The following RAB22A variants were observed in gnomAD, a reference collection of about 807,000 sequenced individuals.
RAB22A encodes RAB22A, member RAS oncogene family.
In RAB22A, 13 loss-of-function variants were observed where a neutral mutation model predicts 30.2. That is an observed-to-expected ratio of 0.43 (90% confidence interval 0.28 to 0.68). RAB22A has a LOEUF of 0.68. RAB22A is among the 30% of genes least tolerant of loss of function. The pLI is 0.18. For synonymous variants in RAB22A, 89 were observed against 87.2 expected (o/e 1.02, Z -0.11); for missense variants, 177 against 246.8 (o/e 0.72, Z 1.89).
At chr20:58,323,476 G>A (rs1406328582) in intron 2 of RAB22A, among the ~76,000 whole-genome samples, 2 of 151,722 alleles carry the variant, frequency 1.3e-5, no homozygotes, top group Non-Finnish European at 2.9e-5. Context: ...ATGAGATCAG[G>A]TAGGATCTCT....
In RAB22A at chr20:58,335,857, C is replaced by T. The variant is rs142824023; in HGVS notation, c.117-7861C>T. Among the ~76,000 whole-genome samples the T allele has an allele frequency of 2.4e-3, 371 of 152,334 alleles. 2 individuals are homozygous for T. Among genetic ancestry groups the T allele is most frequent in the Non-Finnish European group, 4.3e-3 (295 of 68,028 alleles). On this transcript the variant is annotated intron_variant, in intron 2 of 6. Coordinates refer to ENST00000244040, the MANE Select transcript of RAB22A (RefSeq NM_020673.3). ...CTACATAGACTTGCTGAGAACTCTC[C>T]CTTTCCCTCACCGCAGTTGATACCT...
rs141588532 is a variant in RAB22A at position 58,361,870 on chromosome 20, A to G, written c.*2167A>G. ...GTGTCTCGGTGCATGGGGAAAGGCAAGGTCTTCTGAGCTCATCTTAACTGG... is the reference window on the plus strand; with the variant it reads ...GTGTCTCGGTGCATGGGGAAAGGCAGGGTCTTCTGAGCTCATCTTAACTGG... On this transcript the variant is annotated 3_prime_UTR_variant, in exon 7 of 7. Transcript: ENST00000244040. 2 of 152,176 alleles carry G rather than the reference A, an allele frequency of 1.3e-5. No homozygotes were observed. Among genetic ancestry groups the G allele is most frequent in the East Asian group, 1.9e-4 (1 of 5,180 alleles). The allele number at this position is 152,176 out of a possible 1,614,324, so 9.4% of individuals were successfully genotyped here.
intron 2 of RAB22A, among the ~76,000 whole-genome samples, chr20:58,337,714 A>G (rs1170785945): frequency 1.3e-5 from 2 of 152,214 alleles, no homozygotes; most frequent in East Asian, 1.9e-4. Context: ...TACAAATAGC[A>G]CTGTAGTTCA....
intron 2 of RAB22A, among the ~76,000 whole-genome samples, chr20:58,322,904 A>G (rs2122932959): frequency 6.6e-6 from 1 of 151,952 alleles, no homozygotes; most frequent in East Asian, 1.9e-4. Context: ...CAGTGGTGTG[A>G]ATTTTCTGTG....
intron 6 of RAB22A, 141 bp downstream of exon 6, chr20:58,354,406 G>A (rs1987101380): frequency 1.7e-6 from 1 of 585,962 alleles, no homozygotes; most frequent in Non-Finnish European, 2.9e-6. Context: ...GAGAAGGTAA[G>A]AGTAATGTCC....
chr20:58,362,007 A>G lies in RAB22A; in HGVS notation c.*2304A>G, dbSNP rs1345758738. ...TTCATGATTTCTCACCCTCCCTCCC[A>G]TATGTAGGGTGTGATTCTGTTTTAT... On this transcript the variant is annotated 3_prime_UTR_variant, in exon 7 of 7. Coordinates refer to ENST00000244040, the MANE Select transcript of RAB22A (RefSeq NM_020673.3). The G allele has an allele frequency of 6.6e-6, 1 of 151,796 alleles. No homozygotes were observed. The highest frequency in any genetic ancestry group is 1.5e-5 in the Non-Finnish European group (1 of 67,954). 9.4% of individuals were successfully genotyped at this position (151,796 alleles called of 1,614,324 possible). A position where few individuals can be genotyped will look rare whatever the true frequency, so the allele number is the denominator to read the frequency against.
At chr20:58,333,127 A>G (rs1172181642) in intron 2 of RAB22A, among the ~76,000 whole-genome samples, 1 of 151,946 alleles carries the variant, frequency 6.6e-6, no homozygotes, top group East Asian at 1.9e-4. Context: ...TAAAAATACA[A>G]AAATTAGCAG....
chr20:58,338,236 A>C (rs1419831423), intron 2 of RAB22A, among the ~76,000 whole-genome samples: 3 of 152,140 alleles, frequency 2.0e-5, no homozygotes, highest in Non-Finnish European at 2.9e-5. Flanking sequence ...CATGTTGGTC[A>C]AACTGGTCTT....
chr20:58,314,016 A>G (rs1371080686), intron 2 of RAB22A, among the ~76,000 whole-genome samples: 1 of 151,650 alleles, frequency 6.6e-6, no homozygotes, highest in African/African-American at 2.4e-5. Context: ...AAGAAGCTAC[A>G]TTATGACTAG....
intron 2 of RAB22A, among the ~76,000 whole-genome samples, chr20:58,333,101 A>G: frequency 6.6e-6 from 1 of 151,868 alleles, no homozygotes; most frequent in East Asian, 1.9e-4. Flanking sequence ...CCAATATGGT[A>G]AAACCCTGTC....
intron 2 of RAB22A, among the ~76,000 whole-genome samples, chr20:58,321,271 G>A (rs1225789107): frequency 6.6e-6 from 1 of 152,038 alleles, no homozygotes; most frequent in African/African-American, 2.4e-5. Context: ...GGCTGAGGCA[G>A]GAGAATTGCT....
chr20:58,311,158 C>A, intron 2 of RAB22A, 36 bp downstream of exon 2: 1 of 1,511,620 alleles, frequency 6.6e-7, no homozygotes, highest in Non-Finnish European at 9.2e-7. Flanking sequence ...TCTAAAGGTG[C>A]ATTGAAAATC....
intron 6 of RAB22A, among the ~76,000 whole-genome samples, chr20:58,357,658 T>G (rs1196610531): frequency 6.6e-6 from 1 of 152,248 alleles, no homozygotes; most frequent in Non-Finnish European, 1.5e-5. Context: ...TCAATATCCA[T>G]TTATTGAGAA....
At chr20:58,341,349 T>C (rs1248110437) in intron 2 of RAB22A, among the ~76,000 whole-genome samples, 1 of 151,954 alleles carries the variant, frequency 6.6e-6, no homozygotes, top group Non-Finnish European at 1.5e-5. Context: ...TCCACATAGT[T>C]TTGTAATTTT....
intron 2 of RAB22A, among the ~76,000 whole-genome samples, chr20:58,339,730 G>A (rs535797812): frequency 1.3e-5 from 2 of 152,178 alleles, no homozygotes; most frequent in African/African-American, 2.4e-5. Context: ...TGATTTGTGG[G>A]GGTAGAGTGG....
intron 6 of RAB22A, among the ~76,000 whole-genome samples, 192 bp from the exon 7 acceptor site, chr20:58,359,414 G>T (rs78941616): frequency 0.014 from 2,089 of 152,128 alleles, 23 homozygotes; most frequent in Non-Finnish European, 0.02. Flanking sequence ...GGGAAACTGG[G>T]TGGGAGGTAC....
chr20:58,343,607 A>G, intron 2 of RAB22A, 111 bp from the exon 3 acceptor site: 2 of 740,200 alleles, frequency 2.7e-6, no homozygotes, highest in East Asian at 5.2e-5. Flanking sequence ...ATTAGGATAC[A>G]GCGTGGTGCT....
chr20:58,310,127 C>G (rs1986192193), intron 1 of RAB22A, 115 bp downstream of exon 1: 1 of 1,075,852 alleles, frequency 9.3e-7, no homozygotes, highest in South Asian at 4.8e-5. Context: ...CGCTGTCTGC[C>G]AGCCCCGTGG....
At chr20:58,333,629 C>G (rs886217588) in intron 2 of RAB22A, among the ~76,000 whole-genome samples, 1 of 152,140 alleles carries the variant, frequency 6.6e-6, no homozygotes, top group African/African-American at 2.4e-5. Flanking sequence ...CTGGCAGAGT[C>G]TTACATTGTT....
Sources: gnomAD v4.1 joint callset for allele counts (sites outside exome capture counted in the v4.1 genomes callset) on GRCh38, gnomAD v4.1.1 for gene constraint, MANE v1.5 for transcripts, NCBI Gene and HGNC (gene_info 2026-07-23, HGNC 2026-07-21) for gene names.